The following ZHX2 variants were observed in gnomAD, a reference collection of about 807,000 sequenced individuals.
The protein encoded by ZHX2 is zinc fingers and homeoboxes protein 2.
A neutral mutation model predicts 21.9 loss-of-function variants in ZHX2; 6 were observed. The observed-to-expected ratio is 0.27, with a 90% confidence interval of 0.15 to 0.54. The LOEUF (loss-of-function observed/expected upper bound fraction) is 0.54, where lower values mean the gene tolerates loss of function less well. Ranked by LOEUF, ZHX2 falls within the 20% of genes least tolerant of loss-of-function variation. The probability of loss-of-function intolerance (pLI) is 0.95; values close to 1 mark genes in which losing one functional copy is unlikely to be tolerated. For missense variants in ZHX2, 908 were observed against 1,090.7 expected (o/e 0.83, Z 2.36); for synonymous variants, 434 against 437.1 (o/e 0.99, Z 0.09).
chr8:122,913,334 T>C (rs373602873), intron 2 of ZHX2, among the ~76,000 whole-genome samples: 1 of 152,222 alleles, frequency 6.6e-6, no homozygotes, highest in East Asian at 1.9e-4. Flanking sequence ...TGAACACTTA[T>C]GTACAGGTTT....
chr8:122,892,236 T>G (rs1819998437), intron 2 of ZHX2, among the ~76,000 whole-genome samples: 1 of 152,318 alleles, frequency 6.6e-6, no homozygotes, highest in South Asian at 2.1e-4. Context: ...AATATAAGTA[T>G]AGCTACTGCT....
chr8:122,831,562 A>C (rs1818376249), intron 1 of ZHX2, among the ~76,000 whole-genome samples: 1 of 152,176 alleles, frequency 6.6e-6, no homozygotes, highest in Admixed American at 6.5e-5. Flanking sequence ...AGTAAAGCGG[A>C]GAGAACAAGG....
At chr8:122,927,845 C>T (rs987563187) in intron 2 of ZHX2, among the ~76,000 whole-genome samples, 2 of 152,096 alleles carry the variant, frequency 1.3e-5, no homozygotes, top group African/African-American at 4.8e-5. Context: ...GATCCCATTG[C>T]GTTAGAAATC....
At chr8:122,891,270 T>TTGTGTGTGTGTGTGTGTG (rs59893492) in intron 2 of ZHX2, among the ~76,000 whole-genome samples, 1 of 77,668 alleles carries the variant, frequency 1.3e-5, no homozygotes, top group Non-Finnish European at 2.7e-5. Context: ...TCTTGGTAGA[T>TTGTGTGTGTGTGTGTGTG]TGTGTGTGTG....
At position 122,787,994 on chromosome 8, in the gene ZHX2, C is replaced by T. The variant is rs11995333; in HGVS notation, c.-283+6048C>T. ...AGCAGGCCTGACATTTATGCCCCCA[C>T]AGCCATCTCATCCCCCACAGCCTGG... On this transcript the variant is annotated intron_variant, in intron 1 of 3. Coordinates refer to ENST00000314393, the MANE Select transcript of ZHX2 (RefSeq NM_014943.5). 6.8e-3 allele frequency among the ~76,000 whole-genome samples: 1,034 copies of T among 152,312 alleles called. 10 individuals carry two copies. The highest frequency in any genetic ancestry group is 0.022 in the African/African-American group (919 of 41,558).
At chr8:122,931,678 A>G (rs1820997316) in intron 2 of ZHX2, among the ~76,000 whole-genome samples, 1 of 152,130 alleles carries the variant, frequency 6.6e-6, no homozygotes, top group African/African-American at 2.4e-5. Context: ...CTGCCCATCA[A>G]GATCACCTAG....
chr8:122,945,150 T>C (rs1034269199), intron 2 of ZHX2, among the ~76,000 whole-genome samples: 1 of 152,068 alleles, frequency 6.6e-6, no homozygotes, highest in African/African-American at 2.4e-5. Context: ...CTGTGGCATT[T>C]TGTCATGGCA....
Position 122,781,859 on chromosome 8 carries a change from G to C in ZHX2, c.-370G>C, listed in dbSNP as rs1482674030. On this transcript the variant is annotated 5_prime_UTR_variant, in exon 1 of 4. Coordinates refer to ENST00000314393, the MANE Select transcript of ZHX2 (RefSeq NM_014943.5). This position sits in a 1 kb window ranked among gnomAD's most constrained non-coding sequence, Gnocchi z 4.6. ...CCGGTGGGGAGTGGGGAGTGGGTGG[G>C]GGGAGCCAGCAGAGTTCCATTTTGG... 2 of 152,196 alleles carry C rather than the reference G, an allele frequency of 1.3e-5. No individual in the cohort carries two copies. The highest frequency in any genetic ancestry group is 2.4e-5 in the African/African-American group (1 of 41,430). 9.4% of individuals were successfully genotyped at this position (152,196 alleles called of 1,614,324 possible).
chr8:122,887,391 G>T (rs1415531312), intron 2 of ZHX2, among the ~76,000 whole-genome samples: 6 of 151,760 alleles, frequency 4.0e-5, no homozygotes, highest in Non-Finnish European at 7.4e-5. Context: ...GGTGGCAGGC[G>T]CCTGTAATCC....
At chr8:122,841,808 G>A (rs1041785932) in intron 1 of ZHX2, among the ~76,000 whole-genome samples, 15 of 152,164 alleles carry the variant, frequency 9.9e-5, no homozygotes, top group African/African-American at 3.4e-4. Context: ...GTCTGTGTGA[G>A]ATCAGATGTT....
chr8:122,952,680 C>T lies in ZHX2; in HGVS notation c.1170C>T (p.Cys390=). ...CCAGCGGGTCAACAACCGTCTCTTG[C>T]TCCCCCATCACACTTGCCGTGGCAG... ...QVTSGSTTVS[C]SPITLAVAGV... The change falls in exon 3 of 4, where the codon TGC becomes TGT. Residue 390 remains cysteine (C), a synonymous_variant. Coordinates refer to ENST00000314393, the MANE Select transcript of ZHX2 (RefSeq NM_014943.5). This position sits in a 1 kb window ranked among gnomAD's most constrained non-coding sequence, Gnocchi z 6.9. 1.2e-6 allele frequency: 2 copies of T among 1,614,162 alleles called. No homozygotes were observed. Among genetic ancestry groups the T allele is most frequent in the Non-Finnish European group, 1.7e-6 (2 of 1,180,032 alleles).
chr8:122,969,630 T>G (rs1211645697), intron 3 of ZHX2, among the ~76,000 whole-genome samples: 1 of 152,098 alleles, frequency 6.6e-6, no homozygotes, highest in Non-Finnish European at 1.5e-5. Context: ...ACTGACAGGT[T>G]TGTCCGTATC....
intron 1 of ZHX2, among the ~76,000 whole-genome samples, chr8:122,826,478 C>A (rs1301202411): frequency 6.6e-6 from 1 of 152,156 alleles, no homozygotes. Context: ...GCTTGCAGTT[C>A]ATTTTCCTTC....
chr8:122,792,863 A>C (rs1817545359), intron 1 of ZHX2, among the ~76,000 whole-genome samples: 1 of 152,066 alleles, frequency 6.6e-6, no homozygotes, highest in South Asian at 2.1e-4. Context: ...TGTGTCCTTA[A>C]ATTTTGCTTC....
At chr8:122,826,235 AAATGAATT>A (rs1240998242) in intron 1 of ZHX2, among the ~76,000 whole-genome samples, 1 of 152,256 alleles carries the variant, frequency 6.6e-6, no homozygotes, top group Non-Finnish European at 1.5e-5. Context: ...AGGGCTTGGA[AAATGAATT>A]AAATGATTGG....
chr8:122,869,181 CT>C (rs1216657619), intron 2 of ZHX2, among the ~76,000 whole-genome samples: 3 of 152,292 alleles, frequency 2.0e-5, no homozygotes, highest in East Asian at 3.9e-4. Flanking sequence ...GAGGAGCTAC[CT>C]GCCTCCTTCC....
At chr8:122,886,856 T>G (rs937380239) in intron 2 of ZHX2, among the ~76,000 whole-genome samples, 1 of 152,186 alleles carries the variant, frequency 6.6e-6, no homozygotes, top group Non-Finnish European at 1.5e-5. Context: ...AGACAAATAT[T>G]TGAGCCTTTT....
At chr8:122,940,275 C>T (rs1812808888) in intron 2 of ZHX2, among the ~76,000 whole-genome samples, 2 of 152,180 alleles carry the variant, frequency 1.3e-5, no homozygotes, top group South Asian at 4.1e-4. Flanking sequence ...CCCCTGGAGG[C>T]CAAGGCTTTA....
At chr8:122,899,151 G>T (rs886811801) in intron 2 of ZHX2, among the ~76,000 whole-genome samples, 1 of 152,082 alleles carries the variant, frequency 6.6e-6, no homozygotes, top group African/African-American at 2.4e-5. Flanking sequence ...ACAGGTACTC[G>T]TGAAATTCCA....
Sources: allele counts gnomAD v4.1 joint callset (sites outside exome capture counted in the v4.1 genomes callset), GRCh38; gene constraint gnomAD v4.1.1; non-coding constraint Gnocchi (gnomAD v3.1); transcripts MANE v1.5; gene names NCBI Gene and HGNC (gene_info 2026-07-23, HGNC 2026-07-21).